Variants in PRICKLE2 observed in about 807,000 individuals in gnomAD.
The protein encoded by PRICKLE2 is prickle planar cell polarity protein 2, also known as prickle-like protein 2.
Under a neutral mutation model 81.4 loss-of-function variants are expected in PRICKLE2, and 21 were observed. The ratio of observed to expected loss-of-function variants is 0.26; its 90% confidence interval spans 0.18 to 0.37. The LOEUF is 0.37. PRICKLE2 is among the 10% of genes least tolerant of loss of function. The pLI is 1.00. For synonymous variants in PRICKLE2, 456 were observed against 421.5 expected, an observed-to-expected ratio of 1.08 and a Z score of -1.00; for missense variants, 940 against 1,109.0, an observed-to-expected ratio of 0.85 and a Z score of 2.16.
intron 2 of PRICKLE2, among the ~76,000 whole-genome samples, chr3:64,261,884 T>A (rs374829006): frequency 6.6e-6 from 1 of 152,116 alleles, no homozygotes; most frequent in Non-Finnish European, 1.5e-5. Flanking sequence ...TTAAACAGGG[T>A]CATGTTATGA....
At chr3:64,209,976 A>G (rs1419193195) in intron 1 of PRICKLE2, among the ~76,000 whole-genome samples, 1 of 152,176 alleles carries the variant, frequency 6.6e-6, no homozygotes, top group Non-Finnish European at 1.5e-5. Context: ...AGAAGTGAGC[A>G]CACAGGTCCT....
intron 5 of PRICKLE2, chr3:64,154,043 C>T (rs1370288554): frequency 6.5e-6 from 1 of 153,684 alleles, no homozygotes; most frequent in African/African-American, 2.4e-5. Context: ...ATCAAGCCAG[C>T]ATGGCACTGG....
At position 64,163,005 on chromosome 3, in the gene PRICKLE2, T is replaced by TA; in HGVS notation, c.258+10dup. On this transcript the variant is annotated intron_variant, in intron 3 of 7. Transcript: ENST00000638394. ...AAGAAAATTCTGCATAAGCCCCCTC[T>TA]AGCCCCTTACCTCATTGTCATGTGG... is the stretch of plus-strand genomic sequence containing the variant. 1 of 1,570,226 alleles carries TA rather than the reference T, an allele frequency of 6.4e-7. No individual in the cohort carries two copies. Among genetic ancestry groups the TA allele is most frequent in the African/African-American group, 1.3e-5 (1 of 74,150 alleles).
intron 2 of PRICKLE2, among the ~76,000 whole-genome samples, chr3:64,196,409 T>A (rs1338581283): frequency 6.6e-6 from 1 of 152,208 alleles, no homozygotes; most frequent in Non-Finnish European, 1.5e-5. Context: ...CTGGTGTATC[T>A]AGGTATGAAA....
intron 2 of PRICKLE2, among the ~76,000 whole-genome samples, chr3:64,198,442 A>G (rs1445776971): frequency 6.6e-6 from 1 of 152,152 alleles, no homozygotes; most frequent in African/African-American, 2.4e-5. Context: ...AGAGCTTCTT[A>G]AACAACATGG....
At chr3:64,245,598 G>C (rs1575708953) in intron 2 of PRICKLE2, among the ~76,000 whole-genome samples, 1 of 152,132 alleles carries the variant, frequency 6.6e-6, no homozygotes, top group African/African-American at 2.4e-5. Context: ...AGCAGTTCTG[G>C]GGCTTTTGAC....
At chr3:64,252,942 G>A (rs2079470921) in intron 2 of PRICKLE2, among the ~76,000 whole-genome samples, 2 of 152,128 alleles carry the variant, frequency 1.3e-5, no homozygotes, top group African/African-American at 4.8e-5. Context: ...ACGAAAACAG[G>A]ATGCAGGTTG....
intron 2 of PRICKLE2, among the ~76,000 whole-genome samples, chr3:64,258,169 C>T (rs1165080279): frequency 6.6e-6 from 1 of 150,852 alleles, no homozygotes; most frequent in Non-Finnish European, 1.5e-5. Context: ...TGCAAAGCAT[C>T]TGAAGCAAGC....
chr3:64,263,041 T>C (rs1461049664), intron 2 of PRICKLE2, among the ~76,000 whole-genome samples: 1 of 152,200 alleles, frequency 6.6e-6, no homozygotes, highest in Non-Finnish European at 1.5e-5. Context: ...GTTTCTCTAC[T>C]CCAGGCCTTC....
At chr3:64,215,696 AG>A (rs1314352489) in intron 1 of PRICKLE2, among the ~76,000 whole-genome samples, 2 of 152,244 alleles carry the variant, frequency 1.3e-5, no homozygotes, top group African/African-American at 2.4e-5. Context: ...TGTTTGGCCA[AG>A]ATCACATTAA....
chr3:64,258,630 C>A (rs1233184843), intron 2 of PRICKLE2, among the ~76,000 whole-genome samples: 1 of 151,354 alleles, frequency 6.6e-6, no homozygotes, highest in East Asian at 1.9e-4. Flanking sequence ...ACCATACTGG[C>A]TAACACAGTG....
Position 64,163,017 on chromosome 3 carries a change from T to A in PRICKLE2, c.257A>T (p.Glu86Val). 6.2e-7 allele frequency: 1 copy of A among 1,604,730 alleles called. No individual in the cohort carries two copies. Among genetic ancestry groups the A allele is most frequent in the South Asian group, 1.1e-5 (1 of 90,900 alleles). The change falls in exon 3 of 8, where the codon GAG (glutamate) becomes GTG (valine). Residue 86 changes from glutamate to valine, a missense_variant and splice_region_variant. Physicochemically the swap from Glu to Val is moderately radical, Grantham distance 121. Transcript: ENST00000638394. ...LLHQLPPHDN[E>V]VRYCNSLDEE... ...CATAAGCCCCCTCTAGCCCCTTACC[T>A]CATTGTCATGTGGCGGCAGCTGGTG...
At chr3:64,114,610 G>T (rs1442743623) in intron 7 of PRICKLE2, among the ~76,000 whole-genome samples, 1 of 151,250 alleles carries the variant, frequency 6.6e-6, no homozygotes, top group Non-Finnish European at 1.5e-5. Flanking sequence ...AGTAACTGGA[G>T]AAAAGAATCT....
chr3:64,217,991 C>T (rs1260222750), intron 1 of PRICKLE2, among the ~76,000 whole-genome samples: 1 of 152,190 alleles, frequency 6.6e-6, no homozygotes, highest in Admixed American at 6.5e-5. Context: ...GCATGGCTGC[C>T]ACAGCCTGAA....
rs1404613425 is a variant in PRICKLE2 at position 64,092,614 on chromosome 3, G to GC, written c.*6436dup. On this transcript the variant is annotated 3_prime_UTR_variant, in exon 8 of 8. Transcript: ENST00000638394. ...CTGGCTCCCAGTCAGTGTTAATGCT[G>GC]CCCTAACCAGAACACAGACATGGAT... is the stretch of plus-strand genomic sequence containing the variant. The GC allele has an allele frequency of 1.3e-5, 2 of 152,198 alleles. No homozygotes were observed. The highest frequency in any genetic ancestry group is 2.9e-5 in the Non-Finnish European group (2 of 68,030). 9.4% of individuals were successfully genotyped at this position (152,198 alleles called of 1,614,324 possible).
chr3:64,237,164 C>A (rs990213629), intron 2 of PRICKLE2, among the ~76,000 whole-genome samples: 1 of 152,126 alleles, frequency 6.6e-6, no homozygotes, highest in African/African-American at 2.4e-5. Context: ...CTATGAGCCC[C>A]AGAGCTCCAG....
chr3:64,256,195 G>A (rs1023085740), intron 2 of PRICKLE2, among the ~76,000 whole-genome samples: 4 of 152,150 alleles, frequency 2.6e-5, no homozygotes, highest in African/African-American at 9.7e-5. Context: ...TTCAAGCCAA[G>A]TCCAGCCCCA....
intron 7 of PRICKLE2, chr3:64,104,595 T>C (rs1050241795): frequency 1.3e-5 from 2 of 152,380 alleles, no homozygotes; most frequent in South Asian, 2.1e-4. Context: ...GGAGGTGTAC[T>C]GCCTTCTGGT....
chr3:64,232,151 T>G (rs2079113941), intron 2 of PRICKLE2, among the ~76,000 whole-genome samples: 1 of 152,190 alleles, frequency 6.6e-6, no homozygotes, highest in Non-Finnish European at 1.5e-5. Flanking sequence ...GGTTCACAGT[T>G]CTACATCCTT....
Sources: allele counts gnomAD v4.1 joint callset (sites outside exome capture counted in the v4.1 genomes callset), GRCh38; gene constraint gnomAD v4.1.1; transcripts MANE v1.5; gene names NCBI Gene and HGNC (gene_info 2026-07-23, HGNC 2026-07-21).